Variants in COL4A3 observed in about 807,000 individuals in gnomAD.
COL4A3 encodes the protein collagen type IV alpha 3 chain, also known as collagen alpha-3(IV) chain.
COL4A3 carries 135 observed loss-of-function variants against 217.4 expected under a neutral mutation model. The observed-to-expected ratio is 0.62, with a 90% CI of 0.54 to 0.72. The LOEUF is 0.72. Among genes scored for constraint, COL4A3 ranks in the 30% least tolerant of loss-of-function variants. The pLI, the probability that COL4A3 is intolerant of heterozygous loss-of-function variation, is 0.00. For synonymous variants in COL4A3, 690 were observed against 736.3 expected (o/e 0.94, Z 1.02); for missense variants, 1,868 against 2,119.9 (o/e 0.88, Z 2.33).
At chr2:227,244,615 G>A (rs2069212228) in intron 4 of COL4A3, among the ~76,000 whole-genome samples, 1 of 152,156 alleles carries the variant, frequency 6.6e-6, no homozygotes, top group Non-Finnish European at 1.5e-5. Flanking sequence ...TGAGATGATG[G>A]TATATAAAAC....
At chr2:227,209,339 C>T (rs1222059228) in intron 1 of COL4A3, among the ~76,000 whole-genome samples, 1 of 152,238 alleles carries the variant, frequency 6.6e-6, no homozygotes, top group Non-Finnish European at 1.5e-5. Flanking sequence ...GCCAGACTGG[C>T]CCAGTGGCCT....
chr2:227,303,326 G>A (rs1559918611), intron 44 of COL4A3, among the ~76,000 whole-genome samples: 1 of 152,010 alleles, frequency 6.6e-6, no homozygotes, highest in Admixed American at 6.6e-5. Flanking sequence ...TCTTTTATTT[G>A]TGTAAAAGAC....
Position 227,287,303 on chromosome 2 carries a change from C to T in COL4A3, c.2882-1847C>T, listed in dbSNP as rs537621294. Among the ~76,000 whole-genome samples the T allele has an allele frequency of 4.6e-5, 7 of 152,136 alleles. No homozygotes were observed. In the East Asian group the frequency reaches 1.2e-3, roughly 25 times the overall value. On this transcript the variant is annotated intron_variant, in intron 34 of 51. Coordinates refer to ENST00000396578, the MANE Select transcript of COL4A3 (RefSeq NM_000091.5). ...AAAAATTAGCGGGCGTGGTGGCACA[C>T]GCCTGTAATCCCAGCTACTTGGGAG...
rs1167946770 is a variant in COL4A3, at chr2:227,250,757, C to T, written c.547-383C>T. On this transcript the variant is annotated intron_variant, in intron 9 of 51. Transcript: ENST00000396578. This position sits in a 1 kb window ranked among gnomAD's most constrained non-coding sequence, Gnocchi z 4.1. ...GAAAAGGAAAAGGGAGTGAGTTATA[C>T]TGATACCTGGGAAAAGGGGATTCTA... Among the ~76,000 whole-genome samples the T allele has an allele frequency of 6.6e-6, 1 of 152,052 alleles. No individual in the cohort carries two copies. The highest frequency in any genetic ancestry group is 2.4e-5 in the African/African-American group (1 of 41,404).
At chr2:227,176,522 G>A (rs947588308) in intron 1 of COL4A3, among the ~76,000 whole-genome samples, 1 of 152,184 alleles carries the variant, frequency 6.6e-6, no homozygotes, top group African/African-American at 2.4e-5. Context: ...TAGTTTTAGG[G>A]TAAGTTAGGA....
chr2:227,246,803 A>C, intron 7 of COL4A3, 65 bp downstream of exon 7: 1 of 1,316,892 alleles, frequency 7.6e-7, no homozygotes, highest in Non-Finnish European at 1.1e-6. Context: ...TCTACTCCAT[A>C]TGGCCATATA....
rs144888903 is a variant in COL4A3 at position 227,281,498 on chromosome 2, G to A, written c.2488+492G>A. Among the ~76,000 whole-genome samples, 139 of 152,220 alleles carry A rather than the reference G, an allele frequency of 9.1e-4. 1 individual carries two copies. The highest frequency in any genetic ancestry group is 3.2e-3 in the African/African-American group (131 of 41,526). Reference sequence around the variant, plus strand: ...ATGAAAATAAATCTAAATGATGCAGGCTAGATGTTCCAGATGATGGAAAAC... The same window carrying A: ...ATGAAAATAAATCTAAATGATGCAGACTAGATGTTCCAGATGATGGAAAAC... On this transcript the variant is annotated intron_variant, in intron 31 of 51. Transcript: ENST00000396578.
intron 19 of COL4A3, 181 bp downstream of exon 19, chr2:227,260,058 T>C: frequency 1.3e-6 from 1 of 752,476 alleles, no homozygotes; most frequent in Middle Eastern, 2.3e-4. Flanking sequence ...TTTCATAGGT[T>C]GTATACCAGG....
At position 227,305,064 on chromosome 2, in the gene COL4A3, A is replaced by G; in HGVS notation, c.4233A>G (p.Lys1411=). 6.2e-7 allele frequency: 1 copy of G among 1,613,682 alleles called. No individual in the cohort carries two copies. The highest frequency in any genetic ancestry group is 8.5e-7 in the Non-Finnish European group (1 of 1,179,750). ...TPGPAGEKGN[K]GSKGEPGPAG... is the part of the protein sequence containing the mutation. ...GACCAGCTGGAGAAAAAGGCAACAA[A>G]GGTTCTAAAGGAGAGCCAGGTAAAC... is the stretch of plus-strand genomic sequence containing the variant. The change falls in exon 47 of 52, where the codon AAA becomes AAG. Residue 1411 remains lysine, a synonymous_variant. Transcript: ENST00000396578.
chr2:227,227,297 C>T (rs981030283), intron 1 of COL4A3, among the ~76,000 whole-genome samples: 3 of 152,152 alleles, frequency 2.0e-5, no homozygotes, highest in Admixed American at 6.5e-5. Flanking sequence ...CAGCAGAGCC[C>T]GTCAATAATG....
intron 1 of COL4A3, among the ~76,000 whole-genome samples, chr2:227,184,765 A>T (rs1226161997): frequency 6.6e-6 from 1 of 152,088 alleles, no homozygotes; most frequent in South Asian, 2.1e-4. Flanking sequence ...AACCAGATAA[A>T]CCAAATAGAG....
At chr2:227,306,177 G>C (rs1044565389) in intron 47 of COL4A3, among the ~76,000 whole-genome samples, 7 of 152,016 alleles carry the variant, frequency 4.6e-5, no homozygotes, top group Non-Finnish European at 1.0e-4. Flanking sequence ...CCTAAGAATG[G>C]GGCAACAGCA....
rs1014087374 is a variant in COL4A3, at chr2:227,256,637, G to C, written c.987+241G>C. ...CTTGAAGCTGTCTGACTTAGGACCA[G>C]TGAGAGTGCAGCTTCCCATGAGGAA... is the stretch of plus-strand genomic sequence containing the variant. On this transcript the variant is annotated intron_variant, in intron 17 of 51. Transcript: ENST00000396578. 4.3e-6 allele frequency: 3 copies of C among 690,438 alleles called. No individual in the cohort carries two copies. The African/African-American group carries it at 5.2e-5, about 12-fold the overall frequency. 42.8% of individuals were successfully genotyped at this position (690,438 alleles called of 1,614,324 possible).
chr2:227,213,822 A>G (rs1334646738), intron 1 of COL4A3, among the ~76,000 whole-genome samples: 1 of 151,258 alleles, frequency 6.6e-6, no homozygotes, highest in Non-Finnish European at 1.5e-5. Flanking sequence ...GAATGGCGTG[A>G]ACCCAGAAGA....
intron 1 of COL4A3, among the ~76,000 whole-genome samples, chr2:227,169,929 T>C (rs772694109): frequency 3.9e-5 from 6 of 152,192 alleles, no homozygotes; most frequent in South Asian, 2.1e-4. Context: ...TAAATCTATG[T>C]CTGGTAGGAC....
intron 1 of COL4A3, among the ~76,000 whole-genome samples, chr2:227,189,332 G>T (rs1256137955): frequency 6.6e-6 from 1 of 152,158 alleles, no homozygotes; most frequent in Non-Finnish European, 1.5e-5. Context: ...CAAGAGAGGA[G>T]GTGGGTAGAA....
chr2:227,167,530 G>C (rs1244071952), intron 1 of COL4A3, among the ~76,000 whole-genome samples: 1 of 152,214 alleles, frequency 6.6e-6, no homozygotes, highest in East Asian at 1.9e-4. Flanking sequence ...TCTGGATAAG[G>C]TGATGTTCAC....
intron 36 of COL4A3, 126 bp from the exon 37 acceptor site, chr2:227,290,621 T>G: frequency 1.3e-6 from 1 of 770,364 alleles, no homozygotes; most frequent in South Asian, 1.6e-5. Context: ...CTATTGTAAC[T>G]ACCTGATGCA....
intron 29 of COL4A3, 70 bp from the exon 30 acceptor site, chr2:227,280,370 A>C (rs1267814073): frequency 6.3e-7 from 1 of 1,574,984 alleles, no homozygotes; most frequent in Non-Finnish European, 8.7e-7. Flanking sequence ...TAGAGCCTCC[A>C]TAACAGAGAG....
Sources: gnomAD v4.1 joint callset for allele counts (sites outside exome capture counted in the v4.1 genomes callset) on GRCh38, gnomAD v4.1.1 for gene constraint, Gnocchi (gnomAD v3.1) non-coding constraint, MANE v1.5 for transcripts, NCBI Gene and HGNC (gene_info 2026-07-23, HGNC 2026-07-21) for gene names.